ASIC2: variants seen among roughly 807,000 people sequenced by gnomAD.
ASIC2 encodes the protein acid sensing ion channel subunit 2.
ASIC2 carries 25 observed loss-of-function variants against 57.3 expected under a neutral mutation model. The ratio of observed to expected loss-of-function variants is 0.44; its 90% confidence interval spans 0.32 to 0.61. The LOEUF (loss-of-function observed/expected upper bound fraction) is 0.61. Ranked by LOEUF, ASIC2 falls within the 20% of genes least tolerant of loss-of-function variation. The probability of loss-of-function intolerance (pLI) is 0.06; values close to 1 mark genes in which losing one functional copy is unlikely to be tolerated. For missense variants in ASIC2, 641 were observed against 738.1 expected (o/e 0.87, Z 1.52); for synonymous variants, 319 against 307.5 (o/e 1.04, Z -0.39).
At position 33,300,153 on chromosome 17, in the gene ASIC2, G is replaced by A. The variant is rs74329090; in HGVS notation, c.556-188086C>T. On this transcript the variant is annotated intron_variant, in intron 1 of 9. Transcript: ENST00000359872. ...AGCCACCCAGTTTTCCTCCCTGGAG[G>A]CTCCCAAAGCCATCAATTTCTTGCG... is the stretch of plus-strand genomic sequence containing the variant. 2.8e-3 allele frequency among the ~76,000 whole-genome samples: 419 copies of A among 152,262 alleles called. 4 individuals carry two copies. The highest frequency in any genetic ancestry group is 0.02 in the East Asian group (104 of 5,180).
intron 1 of ASIC2, among the ~76,000 whole-genome samples, chr17:33,324,949 C>T (rs1259998737): frequency 1.3e-5 from 2 of 152,128 alleles, no homozygotes; most frequent in Non-Finnish European, 2.9e-5. Flanking sequence ...TCTGGGATTC[C>T]TGCCCAGTCC....
At chr17:33,708,329 T>G (rs558525658) in intron 1 of ASIC2, among the ~76,000 whole-genome samples, 1 of 152,366 alleles carries the variant, frequency 6.6e-6, no homozygotes, top group Non-Finnish European at 1.5e-5. Flanking sequence ...TATGCAAAGT[T>G]AAATTTTAGT....
intron 1 of ASIC2, among the ~76,000 whole-genome samples, chr17:33,565,004 G>A (rs1281774116): frequency 2.0e-5 from 3 of 152,200 alleles, no homozygotes; most frequent in African/African-American, 7.2e-5. Context: ...CTGGTTTGCT[G>A]TTAATAAATA....
At position 33,320,437 on chromosome 17, in the gene ASIC2, C is replaced by A. The variant is rs535638966; in HGVS notation, c.556-208370G>T. On this transcript the variant is annotated intron_variant, in intron 1 of 9. Coordinates refer to the ASIC2 transcript ENST00000359872. ...AACAGGCTTCCCACACTATCTCAGC[C>A]CACCCTCTGGTTCTATAGACAACAA... Among the ~76,000 whole-genome samples, 7 of 152,236 alleles carry A rather than the reference C, an allele frequency of 4.6e-5. No homozygotes were observed. The South Asian group carries it at 1.5e-3, about 32-fold the overall frequency.
chr17:33,198,998 T>G (rs564922426), intron 1 of ASIC2, among the ~76,000 whole-genome samples: 1 of 152,348 alleles, frequency 6.6e-6, no homozygotes, highest in Admixed American at 6.5e-5. Context: ...TTCTGTAGTT[T>G]CTCTGATATG....
At chr17:33,986,063 C>T (rs1360649902) in intron 1 of ASIC2, among the ~76,000 whole-genome samples, 2 of 152,132 alleles carry the variant, frequency 1.3e-5, no homozygotes, top group Non-Finnish European at 1.5e-5. Context: ...CATTTGCAAT[C>T]CCCCTTATTT....
intron 1 of ASIC2, among the ~76,000 whole-genome samples, chr17:34,012,605 G>T (rs1906810601): frequency 6.6e-6 from 1 of 152,100 alleles, no homozygotes; most frequent in Non-Finnish European, 1.5e-5. Flanking sequence ...CCTCTTTCTG[G>T]TCTCAGAGTG....
chr17:34,010,617 A>G (rs1906679473), intron 1 of ASIC2, among the ~76,000 whole-genome samples: 1 of 152,058 alleles, frequency 6.6e-6, no homozygotes, highest in African/African-American at 2.4e-5. Context: ...AGATACGCAC[A>G]AACATACAAA....
At chr17:33,940,385 A>T (rs947394665) in intron 1 of ASIC2, among the ~76,000 whole-genome samples, 8 of 150,588 alleles carry the variant, frequency 5.3e-5, no homozygotes, top group African/African-American at 2.0e-4. Context: ...TCTATCATCT[A>T]GTGCTGCTCT....
At chr17:33,355,289 T>C (rs1018610372) in intron 1 of ASIC2, among the ~76,000 whole-genome samples, 5 of 152,138 alleles carry the variant, frequency 3.3e-5, no homozygotes, top group Non-Finnish European at 5.9e-5. Context: ...GAGCCAAGAT[T>C]GTGCCACTGC....
intron 3 of ASIC2, among the ~76,000 whole-genome samples, chr17:33,082,778 A>G (rs905349352): frequency 5.9e-5 from 9 of 152,170 alleles, no homozygotes; most frequent in African/African-American, 2.2e-4. Flanking sequence ...CTGATTGGTG[A>G]TGTCAACGTT....
intron 1 of ASIC2, among the ~76,000 whole-genome samples, chr17:34,065,156 G>GA (rs1909124156): frequency 6.6e-6 from 1 of 152,186 alleles, no homozygotes. Context: ...ACTGGATAAA[G>GA]AAATTGTGGC....
intron 1 of ASIC2, among the ~76,000 whole-genome samples, chr17:33,484,697 C>A (rs368750875): frequency 2.0e-5 from 3 of 152,134 alleles, no homozygotes; most frequent in Admixed American, 2.0e-4. Flanking sequence ...GCTTGGACAC[C>A]GGACCAAATT....
chr17:33,781,447 G>A (rs1260919230), intron 1 of ASIC2, among the ~76,000 whole-genome samples: 9 of 152,316 alleles, frequency 5.9e-5, no homozygotes, highest in Non-Finnish European at 7.4e-5. Context: ...GATGGAGTGG[G>A]TGGGATTGGG....
intron 1 of ASIC2, among the ~76,000 whole-genome samples, chr17:34,108,732 T>A (rs1911156561): frequency 4.6e-5 from 7 of 152,156 alleles, no homozygotes. Flanking sequence ...AGTGTTAAAA[T>A]CAACTCTAAT....
intron 3 of ASIC2, among the ~76,000 whole-genome samples, chr17:33,063,358 C>G (rs1181236073): frequency 6.6e-6 from 1 of 152,042 alleles, no homozygotes; most frequent in South Asian, 2.1e-4. Context: ...GCAGGCCTGG[C>G]GGTGACAAAA....
At chr17:33,594,571 G>A (rs1468751244) in intron 1 of ASIC2, among the ~76,000 whole-genome samples, 1 of 152,158 alleles carries the variant, frequency 6.6e-6, no homozygotes, top group African/African-American at 2.4e-5. Context: ...GCTCACACCT[G>A]TAATCCCAGC....
At chr17:33,887,912 G>T (rs940854196) in intron 1 of ASIC2, among the ~76,000 whole-genome samples, 5 of 152,142 alleles carry the variant, frequency 3.3e-5, no homozygotes, top group African/African-American at 1.2e-4. Flanking sequence ...GGTTTATATG[G>T]ACATAGCCTC....
At chr17:33,923,971 A>G (rs554349907) in intron 1 of ASIC2, among the ~76,000 whole-genome samples, 3 of 152,344 alleles carry the variant, frequency 2.0e-5, no homozygotes, top group East Asian at 3.9e-4. Context: ...AGAATGGGCC[A>G]GGTTCAGATC....
Sources: allele counts gnomAD v4.1 joint callset (sites outside exome capture counted in the v4.1 genomes callset), GRCh38; gene constraint gnomAD v4.1.1; transcripts MANE v1.5; gene names NCBI Gene and HGNC (gene_info 2026-07-23, HGNC 2026-07-21).